Variants in NRK observed in about 807,000 individuals in gnomAD.
NRK encodes the protein Nik related kinase.
NRK carries 67 observed loss-of-function variants against 125.2 expected under a neutral mutation model. That is an observed-to-expected ratio of 0.54 (90% CI 0.44 to 0.66). The LOEUF (loss-of-function observed/expected upper bound fraction) is 0.66, where lower values mean the gene tolerates loss of function less well. Ranked by LOEUF, NRK falls within the 30% of genes least tolerant of loss-of-function variation. NRK has a pLI of 0.00. For synonymous variants in NRK, 458 were observed against 429.0 expected (o/e 1.07, Z -0.84); for missense variants, 1,224 against 1,192.9 (o/e 1.03, Z -0.38).
At chrX:105,942,344 C>T (rs1175541944) in intron 23 of NRK, among the ~76,000 whole-genome samples, 2 of 111,770 alleles carry the variant, frequency 1.8e-5, no homozygotes, top group Non-Finnish European at 3.8e-5. Context: ...TTTCACATTG[C>T]TATCTGTAAA....
chrX:105,892,995 AC>A (rs755393604), intron 5 of NRK, among the ~76,000 whole-genome samples: 2 of 111,535 alleles, frequency 1.8e-5, no homozygotes, highest in African/African-American at 3.2e-5. Context: ...TAATACATAA[AC>A]CTGTACTCAA....
At chrX:105,837,854 T>A (rs892433022) in intron 2 of NRK, among the ~76,000 whole-genome samples, 8 of 111,123 alleles carry the variant, frequency 7.2e-5, no homozygotes, top group Admixed American at 2.9e-4. Context: ...TGGTACTTTT[T>A]AAAAAAAGTA....
chrX:105,878,584 A>C (rs2039845072), intron 2 of NRK, among the ~76,000 whole-genome samples: 1 of 111,807 alleles, frequency 8.9e-6, no homozygotes, highest in Non-Finnish European at 1.9e-5. Context: ...TCCACTTCTC[A>C]TGTAAATCTG....
At chrX:105,936,634 A>G (rs1224900218) in intron 21 of NRK, among the ~76,000 whole-genome samples, 1 of 112,002 alleles carries the variant, frequency 8.9e-6, no homozygotes, top group Non-Finnish European at 1.9e-5. Flanking sequence ...TTGTTACATT[A>G]CTTGGCTGGT....
intron 23 of NRK, 127 bp from the exon 24 acceptor site, chrX:105,943,814 A>G: frequency 2.4e-6 from 1 of 419,275 alleles, no homozygotes; most frequent in Admixed American, 4.8e-5. Flanking sequence ...GTAACCAAGT[A>G]GCTTCCCCAA....
At chrX:105,901,544 T>C (rs972849575) in intron 9 of NRK, among the ~76,000 whole-genome samples, 3 of 111,820 alleles carry the variant, frequency 2.7e-5, no homozygotes, top group African/African-American at 9.7e-5. Context: ...TTGTATGCTC[T>C]ATCTGCAAAA....
chrX:105,923,767 A>G (rs901632900), intron 18 of NRK, among the ~76,000 whole-genome samples: 3 of 106,510 alleles, frequency 2.8e-5, no homozygotes, highest in African/African-American at 1.0e-4. Context: ...GAATCATCCT[A>G]CTCTATAAAA....
intron 2 of NRK, among the ~76,000 whole-genome samples, chrX:105,869,573 A>G (rs1422536725): frequency 9.0e-6 from 1 of 111,357 alleles, no homozygotes; most frequent in East Asian, 2.9e-4. Flanking sequence ...AGTTACTGCT[A>G]TGGTTTGCAG....
intron 19 of NRK, among the ~76,000 whole-genome samples, chrX:105,926,825 A>G (rs2040529762): frequency 9.0e-6 from 1 of 111,148 alleles, no homozygotes; most frequent in Non-Finnish European, 1.9e-5. Context: ...ATGTGGATCT[A>G]TTTATGGGTC....
intron 17 of NRK, 63 bp downstream of exon 17, chrX:105,922,124 C>T: frequency 1.8e-6 from 1 of 546,053 alleles, no homozygotes; most frequent in Non-Finnish European, 3.0e-6. Context: ...TTTTGACTTA[C>T]ACATTCTCAT....
intron 2 of NRK, among the ~76,000 whole-genome samples, chrX:105,878,299 G>A (rs917741040): frequency 8.2e-5 from 9 of 110,396 alleles, no homozygotes; most frequent in Non-Finnish European, 1.3e-4. Context: ...TTATAAACTC[G>A]GTTAAGTTCA....
intron 15 of NRK, among the ~76,000 whole-genome samples, 197 bp from the exon 16 acceptor site, chrX:105,917,381 T>C (rs890783747): frequency 1.8e-5 from 2 of 111,196 alleles, no homozygotes; most frequent in Non-Finnish European, 3.8e-5. Context: ...ATTTTGGAAA[T>C]CGTTACTCTA....
chrX:105,887,402 G>T (rs908625614), intron 4 of NRK, among the ~76,000 whole-genome samples: 5 of 112,024 alleles, frequency 4.5e-5, no homozygotes, highest in Admixed American at 9.5e-5. Context: ...CACTAGAATG[G>T]TTATAATAAT....
chrX:105,857,315 C>A (rs1302669663), intron 2 of NRK, among the ~76,000 whole-genome samples: 1 of 111,476 alleles, frequency 9.0e-6, no homozygotes, highest in Admixed American at 9.6e-5. Context: ...AGTTACCCAG[C>A]AACCAGATGC....
intron 2 of NRK, among the ~76,000 whole-genome samples, chrX:105,852,829 G>A (rs73531099): frequency 0.06 from 6,750 of 111,658 alleles, 532 homozygotes; most frequent in African/African-American, 0.21. Flanking sequence ...TTAAAATCTA[G>A]TCACTATAGA....
At chrX:105,861,014 A>G (rs1429391105) in intron 2 of NRK, among the ~76,000 whole-genome samples, 1 of 110,982 alleles carries the variant, frequency 9.0e-6, no homozygotes, top group Non-Finnish European at 1.9e-5. Context: ...TTGCTGGGTC[A>G]TATGGTAACT....
chrX:105,868,727 C>T (rs774781848), intron 2 of NRK, among the ~76,000 whole-genome samples: 3 of 104,786 alleles, frequency 2.9e-5, no homozygotes, highest in Non-Finnish European at 5.9e-5. Context: ...CCCCGCCCCC[C>T]ACCACTCTGT....
chrX:105,869,058 A>G (rs936766441), intron 2 of NRK, among the ~76,000 whole-genome samples: 3 of 111,195 alleles, frequency 2.7e-5, no homozygotes, highest in African/African-American at 9.8e-5. Flanking sequence ...TTTGCAATAC[A>G]TTAGTATGGG....
Position 105,909,795 on chromosome X carries a change from G to A in NRK, c.2154G>A (p.Ser718=), listed in dbSNP as rs1247633900. ...SSWRPEKLEL[S]DLEARRQRRQ... The stretch of plus-strand genomic sequence containing the variant: ...GGAGACCTGAAAAGCTTGAACTCTC[G>A]GATTTAGAAGCCCGCAGGCAAAGGC... The change falls in exon 13 of 29, where the codon TCG becomes TCA. Residue 718 remains serine, a synonymous_variant. Transcript: ENST00000243300. The A allele has an allele frequency of 5.9e-6, 7 of 1,180,607 alleles. No individual in the cohort carries two copies. Among genetic ancestry groups the A allele is most frequent in the Admixed American group, 4.9e-5 (2 of 41,228 alleles).
Sources: gnomAD v4.1 joint callset for allele counts (sites outside exome capture counted in the v4.1 genomes callset) on GRCh38, gnomAD v4.1.1 for gene constraint, MANE v1.5 for transcripts, NCBI Gene and HGNC (gene_info 2026-07-23, HGNC 2026-07-21) for gene names.